Variants in HFM1 observed in about 807,000 individuals in gnomAD.
HFM1 encodes probable ATP-dependent DNA helicase HFM1.
A neutral mutation model predicts 192.1 loss-of-function variants in HFM1; 169 were observed. The observed-to-expected ratio is 0.88, with a 90% confidence interval of 0.78 to 1.00. HFM1 has a LOEUF of 1.00. Ranked by LOEUF, HFM1 falls within the 50% of genes least tolerant of loss-of-function variation. The pLI is 0.00. For missense variants in HFM1, 1,661 were observed against 1,668.0 expected (o/e 1.00, Z 0.07); for synonymous variants, 525 against 537.8 (o/e 0.98, Z 0.33).
rs1233235448 is a variant in HFM1, at chr1:91,328,852, C to T, written c.2336-4086G>A. 4.3e-6 allele frequency: 7 copies of T among 1,610,898 alleles called. No homozygotes were observed. In the African/African-American group the frequency reaches 5.3e-5, roughly 12 times the overall value. Reference sequence around the variant, plus strand: ...GCATCCCTTACCTTGATGCACCCATCGAGGCAGAGGCCAGCTGTGCTGCCC... The same window carrying T: ...GCATCCCTTACCTTGATGCACCCATTGAGGCAGAGGCCAGCTGTGCTGCCC... On this transcript the variant is annotated intron_variant, in intron 20 of 38. Transcript: ENST00000370425.
At chr1:91,318,625 T>C (rs1651605392) in intron 25 of HFM1, among the ~76,000 whole-genome samples, 1 of 152,026 alleles carries the variant, frequency 6.6e-6, no homozygotes, top group Admixed American at 6.6e-5. Context: ...TCAGTATTAA[T>C]ACCCTACTGT....
At chr1:91,291,314 TAAA>T (rs1557791766) in intron 30 of HFM1, among the ~76,000 whole-genome samples, 1 of 151,436 alleles carries the variant, frequency 6.6e-6, no homozygotes, top group Non-Finnish European at 1.5e-5. Context: ...GCAAGACTAA[TAAA>T]GAAGAAAAGA....
intron 30 of HFM1, among the ~76,000 whole-genome samples, chr1:91,289,868 CGAGAGGGAGAGG>C (rs1056369831): frequency 4.6e-5 from 7 of 151,774 alleles, no homozygotes; most frequent in African/African-American, 1.7e-4. Context: ...GAGAGGGAGA[CGAGAGGGAGAGG>C]GAGAGGGAGA....
Position 91,319,019 on chromosome 1 carries a change from A to G in HFM1, c.2812+59T>C. 3 of 1,473,862 alleles carry G rather than the reference A, an allele frequency of 2.0e-6. No individual in the cohort carries two copies. The East Asian group carries it at 6.8e-5, about 33-fold the overall frequency. 91.3% of individuals were successfully genotyped at this position (1,473,862 alleles called of 1,614,324 possible). A position where few individuals can be genotyped will look rare whatever the true frequency, so the allele number is the denominator to read the frequency against. On this transcript the variant is annotated intron_variant, in intron 25 of 38. Transcript: ENST00000370425. ...ATCATCACAGAATAATTTTACTAAC[A>G]GTGAATACAAAATAAATTGCAGACA... is the stretch of plus-strand genomic sequence containing the variant.
At chr1:91,273,943 C>A in intron 33 of HFM1, 128 bp from the exon 34 acceptor site, 1 of 571,100 alleles carries the variant, frequency 1.8e-6, no homozygotes, top group Non-Finnish European at 3.0e-6. Context: ...ACACTGGACC[C>A]AGGCTGGGTA....
At chr1:91,400,080 C>A (rs1664117013) in intron 2 of HFM1, among the ~76,000 whole-genome samples, 1 of 152,096 alleles carries the variant, frequency 6.6e-6, no homozygotes, top group African/African-American at 2.4e-5. Flanking sequence ...CTTTTTATAA[C>A]CCTTTCAACT....
At chr1:91,309,872 C>T (rs1482126764) in intron 30 of HFM1, among the ~76,000 whole-genome samples, 1 of 151,608 alleles carries the variant, frequency 6.6e-6, no homozygotes, top group Non-Finnish European at 1.5e-5. Flanking sequence ...AGACCATAAT[C>T]ACTCAATGGC....
At chr1:91,271,996 T>C (rs1456617035) in intron 34 of HFM1, among the ~76,000 whole-genome samples, 1 of 152,172 alleles carries the variant, frequency 6.6e-6, no homozygotes, top group East Asian at 1.9e-4. Context: ...TTCAACATGC[T>C]TTCTCATATA....
Position 91,282,954 on chromosome 1 carries a change from G to T in HFM1, c.3392-5892C>A, listed in dbSNP as rs574305079. On this transcript the variant is annotated intron_variant, in intron 30 of 38. Transcript: ENST00000370425. ...ACTAGGATCTGGGACTCTAATTAGA[G>T]AGATTCCGAGGGCTCCCAAAAATTT... Among the ~76,000 whole-genome samples the T allele has an allele frequency of 2.8e-4, 43 of 152,260 alleles. No homozygotes were observed. In the South Asian group the frequency reaches 8.9e-3, roughly 32 times the overall value.
At chr1:91,397,397 G>T (rs1236698728) in intron 2 of HFM1, among the ~76,000 whole-genome samples, 1 of 151,972 alleles carries the variant, frequency 6.6e-6, no homozygotes, top group Non-Finnish European at 1.5e-5. Context: ...TTCTTCATTA[G>T]GACAAAAAGA....
intron 20 of HFM1, among the ~76,000 whole-genome samples, chr1:91,326,188 T>C (rs1178693114): frequency 6.6e-6 from 1 of 152,104 alleles, no homozygotes; most frequent in African/African-American, 2.4e-5. Context: ...GAGATGGCAG[T>C]AAAGTTTATT....
rs1185037968 is a variant in HFM1 at position 91,261,161 on chromosome 1, A to G, written c.*129T>C. 1 of 418,790 alleles carries G rather than the reference A, an allele frequency of 2.4e-6. No homozygotes were observed. The highest frequency in any genetic ancestry group is 2.1e-5 in the African/African-American group (1 of 48,440). The allele number at this position is 418,790 out of a possible 1,614,324, so 25.9% of individuals were successfully genotyped here. A position where few individuals can be genotyped will look rare whatever the true frequency, so the allele number is the denominator to read the frequency against. On this transcript the variant is annotated 3_prime_UTR_variant, in exon 39 of 39. Transcript: ENST00000370425. ...CCATACATTTTGTTGCAAAAAGTGAACAAAGCTAATCAAATACAGGAGAAA... is the reference window on the plus strand; with the variant it reads ...CCATACATTTTGTTGCAAAAAGTGAGCAAAGCTAATCAAATACAGGAGAAA...
At chr1:91,369,234 C>G (rs1659824057) in intron 13 of HFM1, among the ~76,000 whole-genome samples, 1 of 152,184 alleles carries the variant, frequency 6.6e-6, no homozygotes, top group Admixed American at 6.5e-5. Flanking sequence ...GAACTCAGCA[C>G]TGCACCAACC....
chr1:91,351,400 G>A (rs990935375), intron 17 of HFM1, 149 bp downstream of exon 17: 3 of 513,264 alleles, frequency 5.8e-6, no homozygotes, highest in South Asian at 5.4e-5. Flanking sequence ...TCCCTAAAAT[G>A]ACACAAACTT....
chr1:91,283,314 G>A (rs1316856333), intron 30 of HFM1, among the ~76,000 whole-genome samples: 1 of 152,104 alleles, frequency 6.6e-6, no homozygotes, highest in African/African-American at 2.4e-5. Flanking sequence ...CACCATCACG[G>A]CTCACTGAAA....
chr1:91,274,079 G>A (rs1405730279), intron 33 of HFM1, among the ~76,000 whole-genome samples: 1 of 151,900 alleles, frequency 6.6e-6, no homozygotes, highest in Non-Finnish European at 1.5e-5. Flanking sequence ...TTCCTGTTCT[G>A]TACTAGTTGT....
chr1:91,352,395 G>A (rs1418359970), intron 16 of HFM1, 111 bp downstream of exon 16: 2 of 743,536 alleles, frequency 2.7e-6, no homozygotes, highest in Non-Finnish European at 2.1e-6. Flanking sequence ...AATTTTCTCT[G>A]CTATATTACT....
At chr1:91,337,317 T>C (rs1019438203) in intron 20 of HFM1, among the ~76,000 whole-genome samples, 2 of 152,024 alleles carry the variant, frequency 1.3e-5, no homozygotes, top group East Asian at 3.9e-4. Context: ...AACATACAGA[T>C]GAAAATACCT....
chr1:91,277,676 CTATA>C (rs1201178838), intron 30 of HFM1, among the ~76,000 whole-genome samples: 1 of 125,290 alleles, frequency 8.0e-6, no homozygotes, highest in Non-Finnish European at 1.6e-5. Context: ...AATATATACA[CTATA>C]TATAATATAT....
Sources: allele counts gnomAD v4.1 joint callset (sites outside exome capture counted in the v4.1 genomes callset), GRCh38; gene constraint gnomAD v4.1.1; transcripts MANE v1.5; gene names NCBI Gene and HGNC (gene_info 2026-07-23, HGNC 2026-07-21).